RYR2: variants seen among roughly 807,000 people sequenced by gnomAD.
The protein encoded by RYR2 is cardiac muscle ryanodine receptor-calcium release channel.
RYR2 carries 227 observed loss-of-function variants against 601.1 expected under a neutral mutation model. The ratio of observed to expected loss-of-function variants is 0.38; its 90% confidence interval spans 0.34 to 0.42. RYR2 has a LOEUF of 0.42. Ranked by LOEUF, RYR2 falls within the 10% of genes least tolerant of loss-of-function variation. The pLI is 1.00. For synonymous variants in RYR2, 2,223 were observed against 2,175.1 expected, an observed-to-expected ratio of 1.02 and a Z score of -0.61; for missense variants, 4,646 against 6,156.5, an observed-to-expected ratio of 0.75 and a Z score of 8.21.
intron 99 of RYR2, 51 bp downstream of exon 99, chr1:237,806,334 TAAAAC>T (rs1274593695): frequency 2.3e-5 from 36 of 1,538,500 alleles, no homozygotes; most frequent in Middle Eastern, 1.7e-4. Flanking sequence ...AAGCAACAAA[TAAAAC>T]AAAGAAAAAT....
intron 101 of RYR2, among the ~76,000 whole-genome samples, chr1:237,820,282 C>T (rs576542274): frequency 6.5e-4 from 99 of 151,796 alleles, no homozygotes; most frequent in African/African-American, 2.2e-3. Context: ...GTGAGATTGA[C>T]GCAGAAGGTG....
intron 97 of RYR2, among the ~76,000 whole-genome samples, chr1:237,800,309 T>TGAAAAAAGG (rs1242547788): frequency 1.2e-4 from 19 of 152,246 alleles, no homozygotes; most frequent in African/African-American, 4.6e-4. Context: ...TTTTTTCATT[T>TGAAAAAAGG]AAGAAAAAAA....
rs1169773409 is a variant in RYR2 at position 237,654,299 on chromosome 1, G to T, written c.7850G>T (p.Cys2617Phe). The T allele has an allele frequency of 6.2e-7, 1 of 1,613,932 alleles. No individual in the cohort carries two copies. The highest frequency in any genetic ancestry group is 1.1e-5 in the South Asian group (1 of 91,076). The change falls in exon 52 of 105, where the codon TGC becomes TTC. Residue 2617 changes from cysteine (C) to phenylalanine (F), a missense_variant. Physicochemically the swap from Cys to Phe is radical, Grantham distance 205. Transcript: ENST00000366574. ...LKLLTNHYER[C>F]WKYYCLPGGW... ...CTGCTGACAAATCATTATGAAAGATGCTGGAAATATTACTGCCTGCCTGGA... is the reference window on the plus strand; with the variant it reads ...CTGCTGACAAATCATTATGAAAGATTCTGGAAATATTACTGCCTGCCTGGA...
intron 1 of RYR2, among the ~76,000 whole-genome samples, chr1:237,176,555 G>A (rs955534512): frequency 2.3e-4 from 35 of 151,512 alleles, no homozygotes; most frequent in African/African-American, 8.5e-4. Context: ...TGACTTGAAA[G>A]TTTTATTTAT....
chr1:237,597,284 A>T (rs1675993798), intron 34 of RYR2, among the ~76,000 whole-genome samples: 1 of 148,522 alleles, frequency 6.7e-6, no homozygotes, highest in African/African-American at 2.5e-5. Flanking sequence ...GGAGGGTAAA[A>T]GTCCAGAGTA....
intron 1 of RYR2, among the ~76,000 whole-genome samples, chr1:237,226,964 T>C (rs983380948): frequency 1.3e-5 from 2 of 152,140 alleles, no homozygotes; most frequent in Admixed American, 6.5e-5. Flanking sequence ...AGATCTGGTT[T>C]CACCATGTTG....
chr1:237,636,635 A>G (rs979105557), intron 44 of RYR2, among the ~76,000 whole-genome samples: 8 of 152,330 alleles, frequency 5.3e-5, no homozygotes, highest in Admixed American at 2.6e-4. Context: ...CAAATTAAAC[A>G]TACACCTACC....
chr1:237,820,390 G>A (rs756793909), intron 101 of RYR2, among the ~76,000 whole-genome samples: 37 of 152,074 alleles, frequency 2.4e-4, no homozygotes, highest in Non-Finnish European at 5.0e-4. Flanking sequence ...AAGCAGGGTG[G>A]CGTGTCATCT....
At chr1:237,578,246 G>T (rs1160882024) in intron 29 of RYR2, among the ~76,000 whole-genome samples, 1 of 152,136 alleles carries the variant, frequency 6.6e-6, no homozygotes, top group South Asian at 2.1e-4. Flanking sequence ...GTGAAGGGGG[G>T]TGTGATCTCA....
At chr1:237,277,786 T>C (rs188375781) in intron 2 of RYR2, among the ~76,000 whole-genome samples, 23 of 152,186 alleles carry the variant, frequency 1.5e-4, no homozygotes, top group Non-Finnish European at 3.1e-4. Flanking sequence ...TACCACTGCA[T>C]TGCAGCCTAG....
At chr1:237,824,603 C>G (rs1407944847) in intron 101 of RYR2, among the ~76,000 whole-genome samples, 1 of 152,130 alleles carries the variant, frequency 6.6e-6, no homozygotes, top group Non-Finnish European at 1.5e-5. Flanking sequence ...GAAGCATTCC[C>G]TTTGAAAACT....
At chr1:237,387,089 T>TA (rs1398407053) in intron 8 of RYR2, among the ~76,000 whole-genome samples, 192 bp from the exon 9 acceptor site, 2 of 152,244 alleles carry the variant, frequency 1.3e-5, no homozygotes, top group Admixed American at 6.5e-5. Context: ...GAATGAAGTT[T>TA]AAAAATCCGT....
intron 1 of RYR2, among the ~76,000 whole-genome samples, chr1:237,204,097 T>C (rs2149059189): frequency 6.6e-6 from 1 of 152,236 alleles, no homozygotes; most frequent in African/African-American, 2.4e-5. Context: ...TGCAACCTTC[T>C]CCTCCTGGGT....
At position 237,678,050 on chromosome 1, in the gene RYR2, G is replaced by A. The variant is rs2148925952; in HGVS notation, c.8833G>A (p.Gly2945Ser). Residue 2945 changes from glycine to serine, a missense_variant and splice_region_variant, in exon 61 of 105, where the codon GGT (glycine) becomes AGT (serine). Gly to Ser is a moderately conservative substitution (Grantham distance 56). This residue lies in a region of RYR2 where 1,497 missense variants were observed against 1,842.6 expected (regional missense o/e 0.81). Coordinates refer to ENST00000366574, the MANE Select transcript of RYR2 (RefSeq NM_001035.3). ...EAHQYILEFDGGSRGKGEHFP... is the reference protein window; with the variant it reads ...EAHQYILEFDSGSRGKGEHFP... Reference sequence around the variant, plus strand: ...CTAAAAACTCTTCAAATCTACAGATGGTGGCAGCAGAGGCAAAGGAGAACA... The same window carrying A: ...CTAAAAACTCTTCAAATCTACAGATAGTGGCAGCAGAGGCAAAGGAGAACA... 6.3e-7 allele frequency: 1 copy of A among 1,595,832 alleles called. No individual in the cohort carries two copies. Among genetic ancestry groups the A allele is most frequent in the Non-Finnish European group, 8.6e-7 (1 of 1,164,822 alleles).
At chr1:237,721,409 A>G (rs1689707213) in intron 73 of RYR2, among the ~76,000 whole-genome samples, 1 of 152,198 alleles carries the variant, frequency 6.6e-6, no homozygotes, top group Non-Finnish European at 1.5e-5. Context: ...TCAGTCTGGG[A>G]GTTGTGAAGT....
chr1:237,733,752 C>A lies in RYR2; in HGVS notation c.11087C>A (p.Ala3696Glu), dbSNP rs1269339524. ...FLYMAYADIM[A>E]KSCHDEEDDD... ...TATATGGCCTATGCAGATATTATGG[C>A]AAAGGTAAATAAGTATCCTTCCTGA... Residue 3696 changes from alanine to glutamate, a missense_variant, in exon 79 of 105, where the codon GCA becomes GAA. Physicochemically the swap from Ala to Glu is moderately radical, Grantham distance 107 (BLOSUM62 -1). Coordinates refer to ENST00000366574, the MANE Select transcript of RYR2 (RefSeq NM_001035.3). 2 of 1,595,554 alleles carry A rather than the reference C, an allele frequency of 1.3e-6. No homozygotes were observed. The highest frequency in any genetic ancestry group is 1.7e-5 in the Admixed American group (1 of 59,848).
At chr1:237,332,731 G>A (rs983480009) in intron 3 of RYR2, among the ~76,000 whole-genome samples, 11 of 152,108 alleles carry the variant, frequency 7.2e-5, no homozygotes, top group Non-Finnish European at 1.5e-4. Context: ...TTGTTAAGTT[G>A]CGTTTTTTAA....
At chr1:237,073,094 A>G (rs1463646551) in intron 1 of RYR2, among the ~76,000 whole-genome samples, 1 of 152,130 alleles carries the variant, frequency 6.6e-6, no homozygotes, top group Admixed American at 6.5e-5. Flanking sequence ...AGGACTATGA[A>G]GAGGATTGTT....
intron 2 of RYR2, among the ~76,000 whole-genome samples, chr1:237,311,726 G>A (rs1694587051): frequency 6.6e-6 from 1 of 152,040 alleles, no homozygotes; most frequent in South Asian, 2.1e-4. Context: ...TAACCCACCT[G>A]CCTCTGCTTC....
Sources: gnomAD v4.1 joint callset for allele counts (sites outside exome capture counted in the v4.1 genomes callset) on GRCh38, gnomAD v4.1.1 for gene constraint, gnomAD v4.1.1 regional missense constraint, MANE v1.5 for transcripts, NCBI Gene and HGNC (gene_info 2026-07-23, HGNC 2026-07-21) for gene names.